CTNNA1: variants seen among roughly 807,000 people sequenced by gnomAD.
The protein encoded by CTNNA1 is catenin alpha-1.
CTNNA1 carries 37 observed loss-of-function variants against 98.4 expected under a neutral mutation model. The ratio of observed to expected loss-of-function variants is 0.38; its 90% confidence interval spans 0.29 to 0.49. The LOEUF is 0.49. Ranked by LOEUF, CTNNA1 falls within the 20% of genes least tolerant of loss-of-function variation. CTNNA1 has a pLI of 0.95. For missense variants in CTNNA1, 761 were observed against 1,147.2 expected (o/e 0.66, Z 4.86); for synonymous variants, 404 against 413.2 (o/e 0.98, Z 0.27).
In CTNNA1 at chr5:138,907,853, C is replaced by T. The variant is rs1759616608; in HGVS notation, c.1389+3412C>T. Among the ~76,000 whole-genome samples, 4 of 152,182 alleles carry T rather than the reference C, an allele frequency of 2.6e-5. No individual in the cohort carries two copies. The South Asian group carries it at 6.2e-4, about 24-fold the overall frequency. ...TATGCCTCATGCCCAGGCTGCTGTA[C>T]ATAGGCAGCACTACAGTTTGGAGTT... On this transcript the variant is annotated intron_variant, in intron 10 of 17. Transcript: ENST00000302763.
intron 10 of CTNNA1, among the ~76,000 whole-genome samples, chr5:138,916,544 GT>G (rs1761815261): frequency 1.3e-5 from 2 of 150,960 alleles, no homozygotes. Flanking sequence ...TCTTTTTGAG[GT>G]GGAGTCTCAC....
At chr5:138,785,875 T>A (rs1755648395) in intron 3 of CTNNA1, among the ~76,000 whole-genome samples, 1 of 152,274 alleles carries the variant, frequency 6.6e-6, no homozygotes, top group Non-Finnish European at 1.5e-5. Flanking sequence ...ATTACAGGCA[T>A]GAGCCAGTGC....
intron 3 of CTNNA1, among the ~76,000 whole-genome samples, chr5:138,787,815 G>C (rs185130558): frequency 3.5e-4 from 53 of 152,232 alleles, no homozygotes; most frequent in African/African-American, 1.2e-3. Context: ...ATGCACATTT[G>C]TGAGTATACT....
chr5:138,756,027 C>CTTAT lies in CTNNA1; in HGVS notation c.-3+2544_-3+2547dup, dbSNP rs142619332. Among the ~76,000 whole-genome samples, 1,320 of 143,960 alleles carry CTTAT rather than the reference C, an allele frequency of 9.2e-3. 4 individuals are homozygous for CTTAT. The highest frequency in any genetic ancestry group is 0.015 in the African/African-American group (565 of 38,738). The allele number at this position is 143,960 out of a possible 152,430, so 94.4% of individuals were successfully genotyped here. ...ACTAAGTGCAAGCTACCACGCCCGGCTTATTTATTTATTTATTTATTTATT... is the reference window on the plus strand; with the variant it reads ...ACTAAGTGCAAGCTACCACGCCCGGCTTATTTATTTATTTATTTATTTATTTATT... On this transcript the variant is annotated intron_variant, in intron 1 of 17. Coordinates refer to ENST00000302763, the MANE Select transcript of CTNNA1 (RefSeq NM_001903.5).
At chr5:138,756,327 A>G (rs915129448) in intron 1 of CTNNA1, among the ~76,000 whole-genome samples, 16 of 151,904 alleles carry the variant, frequency 1.1e-4, no homozygotes, top group Non-Finnish European at 2.4e-4. Flanking sequence ...CACCGTGCCC[A>G]GCCTGATTTT....
intron 3 of CTNNA1, among the ~76,000 whole-genome samples, chr5:138,784,138 A>C (rs1445315520): frequency 6.6e-6 from 1 of 152,218 alleles, no homozygotes; most frequent in Non-Finnish European, 1.5e-5. Context: ...TCCCAAGCTC[A>C]AACAATCCGC....
Position 138,824,742 on chromosome 5 carries a change from C to T in CTNNA1, c.801C>T (p.Ala267=), listed in dbSNP as rs2149776514. The T allele has an allele frequency of 1.2e-6, 2 of 1,614,216 alleles. No homozygotes were observed. The highest frequency in any genetic ancestry group is 1.7e-6 in the Non-Finnish European group (2 of 1,180,032). The change falls in exon 6 of 18, where the codon GCC becomes GCT. Residue 267 remains alanine (A), a synonymous_variant. Transcript: ENST00000302763. ...NAAQATASDD[A]SQHQGGGGGE... ...CCCAGGCCACTGCCTCAGACGATGC[C>T]TCACAGCACCAGGGTGGAGGAGGAG...
chr5:138,824,295 A>G (rs1397429571), intron 5 of CTNNA1, among the ~76,000 whole-genome samples: 1 of 152,162 alleles, frequency 6.6e-6, no homozygotes, highest in East Asian at 1.9e-4. Context: ...GCCAGGAGAA[A>G]GTAGAAGTGG....
chr5:138,872,322 T>C (rs1483894151), intron 7 of CTNNA1: 1 of 152,634 alleles, frequency 6.6e-6, no homozygotes, highest in Admixed American at 6.5e-5. Flanking sequence ...TTCATTGTAA[T>C]GAGACCTTTT....
intron 16 of CTNNA1, chr5:138,932,236 G>A: frequency 1.8e-6 from 2 of 1,090,042 alleles, no homozygotes; most frequent in Non-Finnish European, 2.2e-6. Context: ...AGGGGCATGG[G>A]CCTCCACCCT....
chr5:138,929,411 CCTTT>C (rs1764829116), intron 14 of CTNNA1, 55 bp downstream of exon 14: 1 of 871,506 alleles, frequency 1.1e-6, no homozygotes. Flanking sequence ...TTCCCTGTCC[CCTTT>C]CTTGTTTCCA....
intron 3 of CTNNA1, among the ~76,000 whole-genome samples, chr5:138,803,492 ACTT>A (rs1757779791): frequency 6.6e-6 from 1 of 152,104 alleles, no homozygotes; most frequent in Admixed American, 6.5e-5. Flanking sequence ...CTTATTTATA[ACTT>A]ACTTTATTAC....
rs971800449 is a variant in CTNNA1 at position 138,786,893 on chromosome 5, A to T, written c.301+3521A>T. Among the ~76,000 whole-genome samples, 24 of 152,340 alleles carry T rather than the reference A, an allele frequency of 1.6e-4. No homozygotes were observed. The East Asian group carries it at 4.0e-3, about 26-fold the overall frequency. On this transcript the variant is annotated intron_variant, in intron 3 of 17. Transcript: ENST00000302763. ...CTCTTGGAATTTCTTAGGCAGCAAAAGAAAATTTATACAAACACTTTTCCC... is the reference window on the plus strand; with the variant it reads ...CTCTTGGAATTTCTTAGGCAGCAAATGAAAATTTATACAAACACTTTTCCC...
In CTNNA1 at chr5:138,934,223, G is replaced by T; in HGVS notation, c.*134G>T. ...AAATGGGCAGACTGAACCAGTCCAG[G>T]TGGTGAATTTTCCAAGAACATAGTT... On this transcript the variant is annotated 3_prime_UTR_variant, in exon 18 of 18. Coordinates refer to ENST00000302763, the MANE Select transcript of CTNNA1 (RefSeq NM_001903.5). 2 of 656,932 alleles carry T rather than the reference G, an allele frequency of 3.0e-6. No individual in the cohort carries two copies. The highest frequency in any genetic ancestry group is 5.1e-6 in the Non-Finnish European group (2 of 393,526). The allele number at this position is 656,932 out of a possible 1,614,324, so 40.7% of individuals were successfully genotyped here. A position where few individuals can be genotyped will look rare whatever the true frequency, so the allele number is the denominator to read the frequency against.
intron 2 of CTNNA1, among the ~76,000 whole-genome samples, chr5:138,782,574 A>G (rs1430096156): frequency 1.3e-5 from 2 of 152,212 alleles, no homozygotes; most frequent in African/African-American, 2.4e-5. Flanking sequence ...TTGTTTGGCA[A>G]ATTTACACTA....
intron 7 of CTNNA1, among the ~76,000 whole-genome samples, chr5:138,852,099 A>T (rs965500990): frequency 6.6e-6 from 1 of 152,086 alleles, no homozygotes; most frequent in African/African-American, 2.4e-5. Flanking sequence ...TAAATAAATA[A>T]ATATATAACA....
chr5:138,887,856 C>T (rs1008599938), intron 9 of CTNNA1: 4 of 391,084 alleles, frequency 1.0e-5, no homozygotes, highest in Non-Finnish European at 9.1e-6. Flanking sequence ...CTAACAGTTC[C>T]TATCCTAGAA....
Position 138,873,933 on chromosome 5 carries a change from GCT to G in CTNNA1, c.1063-12273_1063-12272del. 6.2e-7 allele frequency: 1 copy of G among 1,613,992 alleles called. No homozygotes were observed. The highest frequency in any genetic ancestry group is 8.5e-7 in the Non-Finnish European group (1 of 1,179,894). On this transcript the variant is annotated intron_variant, in intron 7 of 17. Coordinates refer to ENST00000302763, the MANE Select transcript of CTNNA1 (RefSeq NM_001903.5). This position sits in a 1 kb window ranked among gnomAD's most constrained non-coding sequence, Gnocchi z 6.1. ...GTCAGCTGGTTGTGCTCTAGGTGAA[GCT>G]CTCTCAGTTTAATTAATCCTGCAAA...
chr5:138,904,064 A>G (rs1758646509), intron 9 of CTNNA1, among the ~76,000 whole-genome samples: 1 of 152,230 alleles, frequency 6.6e-6, no homozygotes, highest in Non-Finnish European at 1.5e-5. Context: ...GTTACTGTTC[A>G]GGCGGGTTAG....
Sources: allele counts gnomAD v4.1 joint callset (sites outside exome capture counted in the v4.1 genomes callset), GRCh38; gene constraint gnomAD v4.1.1; non-coding constraint Gnocchi (gnomAD v3.1); transcripts MANE v1.5; gene names NCBI Gene and HGNC (gene_info 2026-07-23, HGNC 2026-07-21).